The following FOXP1 variants were observed in gnomAD, a reference collection of about 807,000 sequenced individuals.
FOXP1 encodes forkhead box P1.
In FOXP1, 15 loss-of-function variants were observed where a neutral mutation model predicts 98.2. The ratio of observed to expected loss-of-function variants is 0.15; its 90% CI spans 0.10 to 0.24. FOXP1 has a LOEUF of 0.24. FOXP1 is among the 10% of genes least tolerant of loss of function. The probability of loss-of-function intolerance (pLI) is 1.00; values close to 1 mark genes in which losing one functional copy is unlikely to be tolerated. For missense variants in FOXP1, 633 were observed against 848.5 expected (o/e 0.75, Z 3.15); for synonymous variants, 371 against 314.5 (o/e 1.18, Z -1.90).
chr3:71,456,472 T>G (rs558735176), intron 3 of FOXP1, among the ~76,000 whole-genome samples: 2 of 152,272 alleles, frequency 1.3e-5, no homozygotes, highest in African/African-American at 4.8e-5. Context: ...ATTGTCAACA[T>G]CAGAATAAGA....
intron 13 of FOXP1, among the ~76,000 whole-genome samples, chr3:70,993,326 G>C (rs1026148341): frequency 3.3e-5 from 5 of 152,208 alleles, no homozygotes; most frequent in Admixed American, 2.6e-4. Flanking sequence ...GCAAGGCAGA[G>C]TGGCATGGCC....
intron 2 of FOXP1, among the ~76,000 whole-genome samples, chr3:71,515,431 A>G (rs138828445): frequency 0.026 from 1,932 of 73,114 alleles, 18 homozygotes; most frequent in Middle Eastern, 0.078. Context: ...AAATTTACAC[A>G]GCAAAAAAAA....
At position 71,052,533 on chromosome 3, in the gene FOXP1, G is replaced by C; in HGVS notation, c.510+4C>G. 1 of 1,140,854 alleles carries C rather than the reference G, an allele frequency of 8.8e-7. No homozygotes were observed. The highest frequency in any genetic ancestry group is 1.3e-6 in the Non-Finnish European group (1 of 747,122). The allele number at this position is 1,140,854 out of a possible 1,614,324, so 70.7% of individuals were successfully genotyped here. A position where few individuals can be genotyped will look rare whatever the true frequency, so the allele number is the denominator to read the frequency against. On this transcript the variant is annotated splice_donor_region_variant and intron_variant, in intron 9 of 20. Transcript: ENST00000649528. ...TTTGAAAGTAAAATATGTATTGTCG[G>C]TACCTCTTTAGGCTGTTTTCCAGCA...
chr3:71,225,331 T>C (rs915841204), intron 5 of FOXP1, among the ~76,000 whole-genome samples: 1 of 152,204 alleles, frequency 6.6e-6, no homozygotes, highest in African/African-American at 2.4e-5. Context: ...AAACTACTAG[T>C]GTAGCTCAAT....
At chr3:71,253,924 G>A (rs375523385) in intron 5 of FOXP1, among the ~76,000 whole-genome samples, 5 of 152,240 alleles carry the variant, frequency 3.3e-5, no homozygotes, top group South Asian at 2.1e-4. Flanking sequence ...AGGTAGTTAC[G>A]ATTTTAAAAA....
chr3:71,460,443 G>T (rs919031724), intron 3 of FOXP1, among the ~76,000 whole-genome samples: 69 of 147,516 alleles, frequency 4.7e-4, no homozygotes, highest in Middle Eastern at 7.0e-3. Context: ...TTTTTTTGTT[G>T]TTGTTGTTTT....
chr3:71,072,560 C>CTT (rs1559872466), intron 7 of FOXP1, among the ~76,000 whole-genome samples: 1 of 152,168 alleles, frequency 6.6e-6, no homozygotes, highest in Non-Finnish European at 1.5e-5. Flanking sequence ...CACATACATG[C>CTT]TTTAAGACTT....
intron 6 of FOXP1, among the ~76,000 whole-genome samples, chr3:71,115,316 A>T (rs1399096525): frequency 1.2e-4 from 9 of 74,998 alleles, no homozygotes; most frequent in African/African-American, 4.1e-4. Flanking sequence ...TATTATTATT[A>T]TTTTATTTAT....
chr3:71,156,648 G>A (rs1307355137), intron 6 of FOXP1, among the ~76,000 whole-genome samples: 1 of 152,224 alleles, frequency 6.6e-6, no homozygotes, highest in Non-Finnish European at 1.5e-5. Context: ...GAAAACAGAG[G>A]ATAAGCTCTT....
At chr3:71,375,192 G>A (rs769816547) in intron 3 of FOXP1, among the ~76,000 whole-genome samples, 1 of 152,174 alleles carries the variant, frequency 6.6e-6, no homozygotes, top group Non-Finnish European at 1.5e-5. Context: ...AGGGGGTTGG[G>A]AGGAAAAAAC....
chr3:71,176,627 C>T (rs1452432818), intron 6 of FOXP1, among the ~76,000 whole-genome samples: 1 of 151,626 alleles, frequency 6.6e-6, no homozygotes, highest in African/African-American at 2.4e-5. Context: ...TGTAGCTTCA[C>T]CTACTTGAGA....
At chr3:71,278,400 ACTGCCAAGCTGG>A (rs1445510282) in intron 5 of FOXP1, among the ~76,000 whole-genome samples, 1 of 152,068 alleles carries the variant, frequency 6.6e-6, no homozygotes, top group African/African-American at 2.4e-5. Context: ...ATGGTATCTC[ACTGCCAAGCTGG>A]CTTCCCAGAA....
chr3:70,989,507 T>C (rs1417796130), intron 13 of FOXP1, among the ~76,000 whole-genome samples: 3 of 152,172 alleles, frequency 2.0e-5, no homozygotes, highest in South Asian at 2.1e-4. Flanking sequence ...GAACACATAA[T>C]GCTAAAGGAA....
intron 3 of FOXP1, among the ~76,000 whole-genome samples, chr3:71,462,833 T>C (rs982470102): frequency 1.3e-5 from 2 of 152,232 alleles, no homozygotes; most frequent in African/African-American, 4.8e-5. Context: ...CACATATATA[T>C]TGCTGACTTG....
chr3:70,976,911 C>CCAAGAATAAA (rs779436890), intron 17 of FOXP1, 30 bp downstream of exon 17: 17 of 1,509,112 alleles, frequency 1.1e-5, no homozygotes, highest in Non-Finnish European at 1.5e-5. Flanking sequence ...ACGTCAAGAT[C>CCAAGAATAAA]CAAGAATAAA....
chr3:71,126,515 AAAAAG>A (rs997764737), intron 6 of FOXP1, among the ~76,000 whole-genome samples: 2 of 151,348 alleles, frequency 1.3e-5, no homozygotes, highest in Non-Finnish European at 1.5e-5. Context: ...AAATAAAAAT[AAAAAG>A]AAAAGAAAAG....
At chr3:71,275,720 A>T (rs964262172) in intron 5 of FOXP1, among the ~76,000 whole-genome samples, 1 of 152,208 alleles carries the variant, frequency 6.6e-6, no homozygotes, top group Non-Finnish European at 1.5e-5. Context: ...TTAGTGGTGT[A>T]TGTGAGGCTT....
intron 3 of FOXP1, among the ~76,000 whole-genome samples, chr3:71,411,543 C>G (rs746213783): frequency 6.6e-6 from 1 of 152,102 alleles, no homozygotes; most frequent in African/African-American, 2.4e-5. Flanking sequence ...AGGATGGTCT[C>G]GATCTCCTGA....
chr3:71,424,600 T>A (rs974446731), intron 3 of FOXP1, among the ~76,000 whole-genome samples: 1 of 152,150 alleles, frequency 6.6e-6, no homozygotes, highest in Non-Finnish European at 1.5e-5. Context: ...CAGAGGTGTA[T>A]TAATCAAACC....
Sources: allele counts gnomAD v4.1 joint callset (sites outside exome capture counted in the v4.1 genomes callset), GRCh38; gene constraint gnomAD v4.1.1; transcripts MANE v1.5; gene names NCBI Gene and HGNC (gene_info 2026-07-23, HGNC 2026-07-21).